Variants in CTNNA3 observed in about 807,000 individuals in gnomAD.
CTNNA3 encodes the protein catenin alpha 3, also known as catenin alpha-3.
Under a neutral mutation model 95.7 loss-of-function variants are expected in CTNNA3, and 76 were observed. That is an observed-to-expected ratio of 0.79 (90% CI 0.66 to 0.96). CTNNA3 has a LOEUF of 0.96. CTNNA3 is among the 40% of genes least tolerant of loss of function. The pLI, the probability that CTNNA3 is intolerant of heterozygous loss-of-function variation, is 0.00. For synonymous variants in CTNNA3, 431 were observed against 374.4 expected, an observed-to-expected ratio of 1.15 and a Z score of -1.74; for missense variants, 1,191 against 1,089.8, an observed-to-expected ratio of 1.09 and a Z score of -1.31.
At chr10:66,158,074 A>G (rs1049461761) in intron 13 of CTNNA3, among the ~76,000 whole-genome samples, 1 of 152,026 alleles carries the variant, frequency 6.6e-6, no homozygotes, top group Non-Finnish European at 1.5e-5. Context: ...CCTTTGTCAG[A>G]TGTACAGATT....
chr10:66,482,532 T>C (rs1469200638), intron 11 of CTNNA3, among the ~76,000 whole-genome samples: 1 of 151,954 alleles, frequency 6.6e-6, no homozygotes, highest in African/African-American at 2.4e-5. Flanking sequence ...TCTGAGCTGA[T>C]GCGTTAAACC....
intron 7 of CTNNA3, among the ~76,000 whole-genome samples, chr10:66,959,266 G>C (rs1375637273): frequency 6.6e-6 from 1 of 152,132 alleles, no homozygotes; most frequent in Non-Finnish European, 1.5e-5. Flanking sequence ...CAAATCTTCA[G>C]TGATAATGGT....
chr10:66,763,854 A>T (rs1219911465), intron 9 of CTNNA3, among the ~76,000 whole-genome samples: 1 of 152,184 alleles, frequency 6.6e-6, no homozygotes, highest in Non-Finnish European at 1.5e-5. Context: ...ACGCACTTCC[A>T]GTCATGTGAA....
At chr10:66,009,509 C>A (rs559811673) in intron 15 of CTNNA3, among the ~76,000 whole-genome samples, 1 of 150,850 alleles carries the variant, frequency 6.6e-6, no homozygotes, top group African/African-American at 2.5e-5. Flanking sequence ...ACAATGTTTA[C>A]GTTTTAGATA....
chr10:67,268,500 G>A (rs987783538), intron 5 of CTNNA3, among the ~76,000 whole-genome samples: 4 of 152,012 alleles, frequency 2.6e-5, no homozygotes, highest in African/African-American at 9.7e-5. Context: ...GGCAACAAAG[G>A]GAGACCCAGC....
chr10:66,120,057 G>C (rs2082512401), intron 13 of CTNNA3, among the ~76,000 whole-genome samples: 3 of 152,130 alleles, frequency 2.0e-5, no homozygotes, highest in South Asian at 4.1e-4. Context: ...TGTGAAACTA[G>C]TTTTATAACT....
chr10:66,792,381 A>G lies in CTNNA3; in HGVS notation c.1048-16857T>C, dbSNP rs547028535. ...CTAGAGTATTATTTCTCAAATCTTA[A>G]TTTGCATAAGAATCTCCTAGAAGAG... On this transcript the variant is annotated intron_variant, in intron 7 of 17. Coordinates refer to ENST00000433211, the MANE Select transcript of CTNNA3 (RefSeq NM_013266.4). Among the ~76,000 whole-genome samples the G allele has an allele frequency of 2.6e-5, 4 of 152,198 alleles. No homozygotes were observed. In the South Asian group the frequency reaches 8.3e-4, roughly 31 times the overall value.
At chr10:65,935,354 T>A (rs966221043) in intron 17 of CTNNA3, among the ~76,000 whole-genome samples, 3 of 152,174 alleles carry the variant, frequency 2.0e-5, no homozygotes, top group African/African-American at 7.2e-5. Flanking sequence ...TGGTTTTTTT[T>A]AATCTTATCG....
intron 13 of CTNNA3, among the ~76,000 whole-genome samples, chr10:66,155,410 A>G (rs573426404): frequency 1.3e-5 from 2 of 151,970 alleles, no homozygotes; most frequent in East Asian, 3.9e-4. Context: ...AAATAAACTA[A>G]ACTTCATGTC....
At chr10:66,819,971 C>T (rs1005012556) in intron 7 of CTNNA3, among the ~76,000 whole-genome samples, 6 of 151,700 alleles carry the variant, frequency 4.0e-5, no homozygotes, top group African/African-American at 1.5e-4. Flanking sequence ...TCCAGCAATT[C>T]TATTCCTAGG....
intron 7 of CTNNA3, among the ~76,000 whole-genome samples, chr10:66,922,137 G>T (rs1846818293): frequency 6.6e-6 from 1 of 152,126 alleles, no homozygotes; most frequent in Admixed American, 6.6e-5. Context: ...AAAGTCTTTA[G>T]ATACATGACA....
chr10:66,662,964 T>C (rs1400265882), intron 9 of CTNNA3, among the ~76,000 whole-genome samples: 2 of 152,138 alleles, frequency 1.3e-5, no homozygotes, highest in African/African-American at 4.8e-5. Context: ...TGGTCTTTCC[T>C]CCCTTGAACC....
chr10:66,676,950 A>G (rs1846880103), intron 9 of CTNNA3, among the ~76,000 whole-genome samples: 1 of 152,106 alleles, frequency 6.6e-6, no homozygotes, highest in South Asian at 2.1e-4. Flanking sequence ...AGTATGTTAC[A>G]AATCTTGATA....
chr10:66,890,527 A>G (rs1845227278), intron 7 of CTNNA3, among the ~76,000 whole-genome samples: 1 of 152,092 alleles, frequency 6.6e-6, no homozygotes, highest in South Asian at 2.1e-4. Context: ...AGATTAAGGC[A>G]AAGCAGGACA....
intron 9 of CTNNA3, among the ~76,000 whole-genome samples, chr10:66,690,406 T>C (rs1046352249): frequency 6.6e-6 from 1 of 151,962 alleles, no homozygotes; most frequent in African/African-American, 2.4e-5. Flanking sequence ...ACATGTGCCA[T>C]GCTGGTGTGC....
intron 5 of CTNNA3, chr10:67,334,256 A>C: frequency 1.3e-5 from 2 of 154,322 alleles, no homozygotes; most frequent in South Asian, 3.9e-4. Flanking sequence ...CATCCATCTC[A>C]AAAGGAACCT....
intron 5 of CTNNA3, among the ~76,000 whole-genome samples, chr10:67,487,376 G>A (rs894920742): frequency 2.0e-5 from 3 of 152,150 alleles, no homozygotes; most frequent in East Asian, 3.9e-4. Context: ...TGGCTGAGAC[G>A]CAGCTGGCCT....
chr10:66,536,219 C>T (rs1304941983), intron 10 of CTNNA3, among the ~76,000 whole-genome samples: 1 of 151,866 alleles, frequency 6.6e-6, no homozygotes, highest in Non-Finnish European at 1.5e-5. Flanking sequence ...TTGTGGCTCA[C>T]ACCTGTAAAC....
chr10:67,133,376 T>C (rs10997523), intron 7 of CTNNA3, among the ~76,000 whole-genome samples: 2 of 133,330 alleles, frequency 1.5e-5, no homozygotes, highest in East Asian at 4.3e-4. Flanking sequence ...CATATATATA[T>C]ATACACACAC....
Sources: allele counts gnomAD v4.1 joint callset (sites outside exome capture counted in the v4.1 genomes callset), GRCh38; gene constraint gnomAD v4.1.1; transcripts MANE v1.5; gene names NCBI Gene and HGNC (gene_info 2026-07-23, HGNC 2026-07-21).